Variants in PCDHA2 observed in about 807,000 individuals in gnomAD.
The protein encoded by PCDHA2 is protocadherin alpha 2.
Under a neutral mutation model 66.0 loss-of-function variants are expected in PCDHA2, and 58 were observed. That is an observed-to-expected ratio of 0.88 (90% CI 0.71 to 1.09). The LOEUF (loss-of-function observed/expected upper bound fraction) is 1.09, where lower values mean the gene tolerates loss of function less well. PCDHA2 is among the 50% of genes least tolerant of loss of function. The pLI is 0.00. For synonymous variants in PCDHA2, 634 were observed against 554.0 expected, an observed-to-expected ratio of 1.14 and a Z score of -2.03; for missense variants, 1,267 against 1,242.3, an observed-to-expected ratio of 1.02 and a Z score of -0.30.
In PCDHA2 at chr5:141,010,916, A is replaced by G. The variant is rs1554263193; in HGVS notation, c.*979A>G. The G allele has an allele frequency of 6.5e-6, 1 of 153,780 alleles. No individual in the cohort carries two copies. The highest frequency in any genetic ancestry group is 2.4e-5 in the African/African-American group (1 of 41,454). 9.5% of individuals were successfully genotyped at this position (153,780 alleles called of 1,614,324 possible). On this transcript the variant is annotated 3_prime_UTR_variant, in exon 4 of 4. Transcript: ENST00000526136. ...ATACAATTCCCCTAAACTCTCCTCAAAAGAGAATTCAGTCTACAGCCATTT... is the reference window on the plus strand; with the variant it reads ...ATACAATTCCCCTAAACTCTCCTCAGAAGAGAATTCAGTCTACAGCCATTT...
At position 140,837,735 on chromosome 5, in the gene PCDHA2, G is replaced by C. The variant is rs1268467335; in HGVS notation, c.2388+40383G>C. On this transcript the variant is annotated intron_variant, in intron 1 of 3. Coordinates refer to ENST00000526136, the MANE Select transcript of PCDHA2 (RefSeq NM_018905.3). ...ATCACCCAGGCTGCTGAAATGCAGT[G>C]GTGGGATTATAGCCCACTGCAACCT... 1.3e-5 allele frequency among the ~76,000 whole-genome samples: 2 copies of C among 151,294 alleles called. 1 individual carries two copies. The highest frequency in any genetic ancestry group is 3.9e-4 in the East Asian group (2 of 5,172).
intron 1 of PCDHA2, chr5:140,967,063 C>T (rs1554229129): frequency 6.2e-7 from 1 of 1,612,820 alleles, no homozygotes; most frequent in Non-Finnish European, 8.5e-7. Flanking sequence ...GTGGAGCGCT[C>T]TTCGTCAACG....
chr5:140,869,316 T>C (rs782789227), intron 1 of PCDHA2: 22 of 1,613,628 alleles, frequency 1.4e-5, no homozygotes, highest in South Asian at 4.4e-5. Flanking sequence ...CCAAAACACA[T>C]GGGGACCTTC....
intron 1 of PCDHA2, chr5:140,928,911 A>G: frequency 6.2e-7 from 1 of 1,614,184 alleles, no homozygotes; most frequent in Non-Finnish European, 8.5e-7. Flanking sequence ...TCTGGGAACC[A>G]GGAGGGCAGC....
intron 1 of PCDHA2, chr5:140,850,272 A>C: frequency 6.3e-7 from 1 of 1,594,726 alleles, no homozygotes; most frequent in Non-Finnish European, 8.6e-7. Context: ...AGTGGTGGGG[A>C]AGGTGCGCGC....
chr5:140,828,494 G>C (rs1333830874), intron 1 of PCDHA2: 1 of 1,614,144 alleles, frequency 6.2e-7, no homozygotes. Flanking sequence ...CTTGTTCCCG[G>C]TAGAGGAACA....
At chr5:140,941,957 A>G (rs1254816482) in intron 1 of PCDHA2, among the ~76,000 whole-genome samples, 1 of 152,234 alleles carries the variant, frequency 6.6e-6, no homozygotes, top group Non-Finnish European at 1.5e-5. Flanking sequence ...TGAAAACAAT[A>G]GTATCTTTAC....
At chr5:140,819,718 T>C (rs1173978275) in intron 1 of PCDHA2, among the ~76,000 whole-genome samples, 1 of 152,088 alleles carries the variant, frequency 6.6e-6, no homozygotes, top group African/African-American at 2.4e-5. Flanking sequence ...AAATATAATT[T>C]AACAGATATG....
At chr5:140,871,112 A>G (rs1554165130) in intron 1 of PCDHA2, 2 of 1,613,290 alleles carry the variant, frequency 1.2e-6, no homozygotes, top group Non-Finnish European at 1.7e-6. Context: ...TCGTTGGTGG[A>G]GAGCGGACAG....
intron 1 of PCDHA2, among the ~76,000 whole-genome samples, chr5:140,942,962 A>G (rs2153660638): frequency 6.6e-6 from 1 of 152,216 alleles, no homozygotes; most frequent in South Asian, 2.1e-4. Flanking sequence ...CTGTTATCAG[A>G]ATTAAATTTT....
At chr5:140,829,915 G>T in intron 1 of PCDHA2, 1 of 1,614,008 alleles carries the variant, frequency 6.2e-7, no homozygotes, top group Middle Eastern at 1.7e-4. Flanking sequence ...CGTGGCTTTC[G>T]TATGAGCTGC....
At chr5:140,852,689 T>C (rs993759166) in intron 1 of PCDHA2, 1 of 972,400 alleles carries the variant, frequency 1.0e-6, no homozygotes, top group Non-Finnish European at 1.2e-6. Flanking sequence ...AATATAGTCT[T>C]ATACTTTCAA....
intron 1 of PCDHA2, chr5:140,870,411 C>T: frequency 6.2e-7 from 1 of 1,614,212 alleles, no homozygotes; most frequent in East Asian, 2.2e-5. Context: ...CTCTGTGGGC[C>T]ACGGCCAGGG....
intron 1 of PCDHA2, chr5:140,875,208 C>T (rs1297860404): frequency 3.0e-6 from 2 of 668,426 alleles, no homozygotes; most frequent in Non-Finnish European, 2.2e-6. Context: ...GTGGCTAAAC[C>T]GAAAAGAACC....
chr5:140,857,428 G>A lies in PCDHA2; in HGVS notation c.2388+60076G>A, dbSNP rs782142394. On this transcript the variant is annotated intron_variant, in intron 1 of 3. Coordinates refer to ENST00000526136, the MANE Select transcript of PCDHA2 (RefSeq NM_018905.3). ...CTGCGTTCGCGCAGTCCGAGTACACGGTGTTCGTGAAGGAGAACAACCCGC... is the reference window on the plus strand; with the variant it reads ...CTGCGTTCGCGCAGTCCGAGTACACAGTGTTCGTGAAGGAGAACAACCCGC... The A allele has an allele frequency of 3.8e-6, 6 of 1,598,456 alleles. 1 individual carries two copies. Among genetic ancestry groups the A allele is most frequent in the Non-Finnish European group, 5.1e-6 (6 of 1,167,860 alleles).
chr5:140,800,909 A>G (rs1762610990), intron 1 of PCDHA2: 8 of 509,390 alleles, frequency 1.6e-5, no homozygotes, highest in Admixed American at 4.3e-5. Flanking sequence ...ACCGAAGGAT[A>G]TTACAATTGA....
intron 1 of PCDHA2, chr5:140,968,425 C>T (rs1195446919): frequency 6.2e-7 from 1 of 1,613,832 alleles, no homozygotes; most frequent in Non-Finnish European, 8.5e-7. Flanking sequence ...AGGCTCAGGA[C>T]AAGGGGAGCC....
chr5:140,875,305 C>T, intron 1 of PCDHA2: 1 of 1,420,254 alleles, frequency 7.0e-7, no homozygotes, highest in South Asian at 1.6e-5. Context: ...TTTCTCCGCA[C>T]CCACATTCCA....
chr5:140,806,116 T>A (rs1554123539), intron 1 of PCDHA2, among the ~76,000 whole-genome samples: 1 of 152,196 alleles, frequency 6.6e-6, no homozygotes, highest in Non-Finnish European at 1.5e-5. Flanking sequence ...GGTTTGATCA[T>A]GACATTCTTC....
Sources: gnomAD v4.1 joint callset for allele counts (sites outside exome capture counted in the v4.1 genomes callset) on GRCh38, gnomAD v4.1.1 for gene constraint, MANE v1.5 for transcripts, NCBI Gene and HGNC (gene_info 2026-07-23, HGNC 2026-07-21) for gene names.